The following DMD variants were observed in gnomAD, a reference collection of about 807,000 sequenced individuals.
DMD encodes the protein mutant dystrophin.
DMD carries 63 observed loss-of-function variants against 330.1 expected under a neutral mutation model. The ratio of observed to expected loss-of-function variants is 0.19; its 90% CI spans 0.16 to 0.24. The LOEUF (loss-of-function observed/expected upper bound fraction) is 0.24. Among genes scored for constraint, DMD ranks in the 10% least tolerant of loss-of-function variants. The pLI is 1.00. For missense variants in DMD, 3,344 were observed against 2,684.1 expected (o/e 1.25, Z -5.43); for synonymous variants, 1,223 against 959.8 (o/e 1.27, Z -5.07).
At chrX:31,808,999 C>T (rs1422052134) in intron 50 of DMD, among the ~76,000 whole-genome samples, 1 of 109,415 alleles carries the variant, frequency 9.1e-6, no homozygotes, top group Admixed American at 9.9e-5. Flanking sequence ...ATTGTGTATT[C>T]ATACATTTCT....
At chrX:31,432,082 G>A (rs1247332726) in intron 60 of DMD, among the ~76,000 whole-genome samples, 1 of 111,740 alleles carries the variant, frequency 8.9e-6, no homozygotes, top group Non-Finnish European at 1.9e-5. Flanking sequence ...CAGAGTGCTG[G>A]GACCACAGGT....
intron 7 of DMD, among the ~76,000 whole-genome samples, chrX:32,740,470 A>G (rs917535067): frequency 9.0e-6 from 1 of 110,906 alleles, no homozygotes; most frequent in Non-Finnish European, 1.9e-5. Flanking sequence ...ATATTGTCAC[A>G]TAAATAAGAG....
intron 44 of DMD, among the ~76,000 whole-genome samples, chrX:32,005,849 G>A (rs972219160): frequency 9.0e-6 from 1 of 111,266 alleles, no homozygotes; most frequent in African/African-American, 3.3e-5. Flanking sequence ...TCATTAAGTA[G>A]TATTAAATAA....
chrX:31,582,336 C>G (rs2076381075), intron 55 of DMD, among the ~76,000 whole-genome samples: 1 of 111,289 alleles, frequency 9.0e-6, no homozygotes, highest in Non-Finnish European at 1.9e-5. Flanking sequence ...TCCAGGCAGC[C>G]TTAAATTTTC....
At chrX:31,810,533 C>CT (rs752596460) in intron 50 of DMD, among the ~76,000 whole-genome samples, 1 of 111,999 alleles carries the variant, frequency 8.9e-6, no homozygotes, top group African/African-American at 3.2e-5. Context: ...CTGCTCTTCA[C>CT]TTTTTAAGAA....
chrX:33,006,406 T>C (rs1179144624), intron 2 of DMD, among the ~76,000 whole-genome samples: 13 of 111,882 alleles, frequency 1.2e-4, no homozygotes, highest in Non-Finnish European at 2.1e-4. Flanking sequence ...AATACATCAA[T>C]AGAACAGAAT....
intron 55 of DMD, among the ~76,000 whole-genome samples, chrX:31,581,050 T>C (rs901969343): frequency 8.9e-6 from 1 of 112,134 alleles, no homozygotes; most frequent in African/African-American, 3.2e-5. Context: ...CTAAGCTGCG[T>C]GAAAACTTCT....
At chrX:32,178,969 T>TCC (rs1423699925) in intron 44 of DMD, among the ~76,000 whole-genome samples, 6 of 102,775 alleles carry the variant, frequency 5.8e-5, no homozygotes, top group African/African-American at 1.1e-4. Context: ...TCTCTCTCTC[T>TCC]CTCTCTCTCT....
chrX:32,229,335 A>G (rs1345063852), intron 43 of DMD, among the ~76,000 whole-genome samples: 1 of 110,127 alleles, frequency 9.1e-6, no homozygotes, highest in African/African-American at 3.3e-5. Context: ...TTCTCATTAT[A>G]TATCATGACA....
chrX:33,319,451 C>T (rs1453431676), intron 1 of DMD, among the ~76,000 whole-genome samples: 1 of 110,822 alleles, frequency 9.0e-6, no homozygotes, highest in Non-Finnish European at 1.9e-5. Context: ...GTGCCCTCCT[C>T]CCCCATGATG....
At position 32,902,158 on chromosome X, in the gene DMD, AACACACACACAC is replaced by A. The variant is rs774414536; in HGVS notation, c.94-52350_94-52339del. The stretch of plus-strand genomic sequence containing the variant: ...CATAAGCAAGCATCACACACACACA[AACACACACACAC>A]ACACACACACACACACACACACACA... On this transcript the variant is annotated intron_variant, in intron 2 of 78. Transcript: ENST00000357033. Among the ~76,000 whole-genome samples, 630 of 86,636 alleles carry A rather than the reference AACACACACACAC, an allele frequency of 7.3e-3. 27 individuals are homozygous for A. The East Asian group carries it at 0.15, about 21-fold the overall frequency. The allele number at this position is 86,636 out of a possible 115,157, so 75.2% of individuals were successfully genotyped here. A position where few individuals can be genotyped will look rare whatever the true frequency, so the allele number is the denominator to read the frequency against.
intron 2 of DMD, among the ~76,000 whole-genome samples, chrX:32,987,621 G>A (rs2092878834): frequency 9.0e-6 from 1 of 110,966 alleles, no homozygotes; most frequent in Non-Finnish European, 1.9e-5. Context: ...AATTAAAGGA[G>A]AAAATTCTTT....
In DMD at chrX:32,485,734, C is replaced by CTT. The variant is rs5902034; in HGVS notation, c.2623-637_2623-636dup. The stretch of plus-strand genomic sequence containing the variant: ...CTCCTGACCAAACAGGCAACCACTG[C>CTT]TTTTTTTTTTTTTTTTTTTTTTTTT... On this transcript the variant is annotated intron_variant, in intron 20 of 78. Coordinates refer to ENST00000357033, the MANE Select transcript of DMD (RefSeq NM_004006.3). Among the ~76,000 whole-genome samples, 92 of 36,148 alleles carry CTT rather than the reference C, an allele frequency of 2.5e-3. 11 individuals are homozygous for CTT. Among genetic ancestry groups the CTT allele is most frequent in the African/African-American group, 9.1e-3 (85 of 9,351 alleles). The allele number at this position is 36,148 out of a possible 115,157, so 31.4% of individuals were successfully genotyped here. A position where few individuals can be genotyped will look rare whatever the true frequency, so the allele number is the denominator to read the frequency against.
chrX:32,652,382 T>C (rs2060224365), intron 9 of DMD, among the ~76,000 whole-genome samples: 1 of 102,264 alleles, frequency 9.8e-6, no homozygotes, highest in African/African-American at 3.6e-5. Flanking sequence ...TGAGAACATG[T>C]GGTATTTGGT....
At chrX:32,389,878 A>T (rs1195383601) in intron 31 of DMD, among the ~76,000 whole-genome samples, 193 bp downstream of exon 31, 1 of 112,148 alleles carries the variant, frequency 8.9e-6, no homozygotes, top group East Asian at 2.8e-4. Context: ...ATGTTATACT[A>T]AATAAAAGGT....
intron 67 of DMD, among the ~76,000 whole-genome samples, chrX:31,195,377 T>C (rs1177838255): frequency 9.0e-6 from 1 of 111,645 alleles, no homozygotes; most frequent in African/African-American, 3.3e-5. Flanking sequence ...CTAAGTATAC[T>C]CAACAGTATT....
At chrX:32,595,461 AT>A (rs964000660) in intron 13 of DMD, among the ~76,000 whole-genome samples, 120 of 111,350 alleles carry the variant, frequency 1.1e-3, no homozygotes, top group African/African-American at 3.7e-3. Context: ...CTGCATTTAA[AT>A]TTTTTTTAAC....
intron 17 of DMD, among the ~76,000 whole-genome samples, chrX:32,530,166 T>C (rs2047345142): frequency 8.9e-6 from 1 of 112,469 alleles, no homozygotes; most frequent in Admixed American, 9.4e-5. Context: ...TCTTCTTTAT[T>C]ATCAATTATG....
chrX:31,896,078 A>G (rs188964430), intron 47 of DMD, among the ~76,000 whole-genome samples: 245 of 112,067 alleles, frequency 2.2e-3, no homozygotes, highest in Middle Eastern at 4.6e-3. Flanking sequence ...GATCCTTAGC[A>G]TCAGGGTTTA....
Sources: gnomAD v4.1 joint callset for allele counts (sites outside exome capture counted in the v4.1 genomes callset) on GRCh38, gnomAD v4.1.1 for gene constraint, MANE v1.5 for transcripts, NCBI Gene and HGNC (gene_info 2026-07-23, HGNC 2026-07-21) for gene names.